The following AFF3 variants were observed in gnomAD, a reference collection of about 807,000 sequenced individuals.
AFF3 encodes the protein AF4/FMR2 family member 3.
Under a neutral mutation model 129.7 loss-of-function variants are expected in AFF3, and 32 were observed. That is an observed-to-expected ratio of 0.25 (90% CI 0.19 to 0.33). AFF3 has a LOEUF of 0.33. Among genes scored for constraint, AFF3 ranks in the 10% least tolerant of loss-of-function variants. The probability of loss-of-function intolerance (pLI) is 1.00; values close to 1 mark genes in which losing one functional copy is unlikely to be tolerated. For synonymous variants in AFF3, 644 were observed against 635.4 expected (o/e 1.01, Z -0.20); for missense variants, 1,373 against 1,592.0 (o/e 0.86, Z 2.34).
chr2:99,795,712 T>C (rs1471885677), intron 8 of AFF3, among the ~76,000 whole-genome samples: 1 of 151,826 alleles, frequency 6.6e-6, no homozygotes, highest in Admixed American at 6.6e-5. Flanking sequence ...TCTACAGTGC[T>C]GTATTTCTTA....
rs146038090 is a variant in AFF3 at position 100,006,766 on chromosome 2, C to T, written c.739G>A (p.Glu247Lys). The T allele has an allele frequency of 3.7e-5, 60 of 1,614,096 alleles. No homozygotes were observed. Among genetic ancestry groups the T allele is most frequent in the Non-Finnish European group, 4.7e-5 (55 of 1,180,050 alleles). The change falls in exon 7 of 25, where the codon GAG (glutamate) becomes AAG (lysine). Residue 247 changes from glutamate (E) to lysine (K), a missense_variant. This residue lies in a region of AFF3 where 413 missense variants were observed against 424.4 expected (regional missense o/e 0.97). Coordinates refer to ENST00000672756, the MANE Select transcript of AFF3 (RefSeq NM_001386135.1). ...PMDGQDQAPD[E>K]SPKLKSSSET... Reference sequence around the variant, plus strand: ...GAAGACGACTTCAGCTTAGGAGACTCATCAGGGGCCTGATCTTGGCCGTCC... The same window carrying T: ...GAAGACGACTTCAGCTTAGGAGACTTATCAGGGGCCTGATCTTGGCCGTCC...
chr2:100,111,266 T>C (rs186722893), intron 2 of AFF3, among the ~76,000 whole-genome samples: 49 of 152,400 alleles, frequency 3.2e-4, no homozygotes, highest in African/African-American at 1.0e-3. Context: ...CATTGCCGTG[T>C]ATAGTCAGGA....
intron 7 of AFF3, among the ~76,000 whole-genome samples, chr2:99,925,110 T>C (rs1185189947): frequency 1.3e-5 from 2 of 152,086 alleles, no homozygotes; most frequent in Non-Finnish European, 2.9e-5. Context: ...ACTCCTGGGC[T>C]CAAGCAATCC....
chr2:99,838,888 T>C (rs1231339919), intron 7 of AFF3, among the ~76,000 whole-genome samples: 1 of 152,204 alleles, frequency 6.6e-6, no homozygotes, highest in Non-Finnish European at 1.5e-5. Flanking sequence ...TGCCAGCTCA[T>C]TCCTTGTCCT....
intron 13 of AFF3, among the ~76,000 whole-genome samples, chr2:99,643,143 C>T (rs1684368531): frequency 6.7e-6 from 1 of 148,424 alleles, no homozygotes; most frequent in South Asian, 2.2e-4. Context: ...CACTGCAACC[C>T]CCGCCTCCTG....
chr2:100,074,467 T>G (rs112979872), intron 4 of AFF3, among the ~76,000 whole-genome samples: 7 of 152,314 alleles, frequency 4.6e-5, no homozygotes, highest in African/African-American at 1.7e-4. Flanking sequence ...ATGCTTGCAC[T>G]TACGTATATT....
chr2:99,668,580 C>T (rs1049489989), intron 12 of AFF3, among the ~76,000 whole-genome samples: 3 of 149,372 alleles, frequency 2.0e-5, no homozygotes, highest in Non-Finnish European at 3.0e-5. Context: ...GTTTTTTTTT[C>T]GAGAAGGAAT....
intron 8 of AFF3, among the ~76,000 whole-genome samples, chr2:99,798,918 C>T (rs1429874630): frequency 6.6e-6 from 1 of 151,936 alleles, no homozygotes; most frequent in East Asian, 1.9e-4. Context: ...ACTTTTCTGA[C>T]TAATGTAGCC....
At chr2:99,813,363 CAA>C (rs1476526741) in intron 8 of AFF3, among the ~76,000 whole-genome samples, 2 of 152,100 alleles carry the variant, frequency 1.3e-5, no homozygotes, top group Non-Finnish European at 2.9e-5. Context: ...AGGATGCTTC[CAA>C]AAGAGCTCTT....
intron 11 of AFF3, among the ~76,000 whole-genome samples, chr2:99,715,286 A>C (rs771904208): frequency 3.9e-5 from 6 of 152,144 alleles, no homozygotes; most frequent in Non-Finnish European, 8.8e-5. Context: ...TTAGTTTTCC[A>C]CGTTTTAGTT....
intron 8 of AFF3, among the ~76,000 whole-genome samples, chr2:99,778,651 T>C (rs945192451): frequency 6.6e-6 from 1 of 152,234 alleles, no homozygotes; most frequent in African/African-American, 2.4e-5. Context: ...TAAGTTTTAA[T>C]TTCTTTCAAC....
In AFF3 at chr2:100,007,226, G is replaced by A. The variant is rs763648218; in HGVS notation, c.409C>T (p.Pro137Ser). The stretch of plus-strand genomic sequence containing the variant: ...GTGCCTCTCTTACTCTGCTGCACGG[G>A]GACAGCTGCTGGTGTGGAAGTTGTA... ...STTTSTPAAV[P>S]VQQSKRGTMG... is the part of the protein sequence containing the mutation. Residue 137 changes from proline to serine, a missense_variant, in exon 6 of 25, where the codon CCC (proline) becomes TCC (serine). Physicochemically the swap from Pro to Ser is moderately conservative, Grantham distance 74 (BLOSUM62 -1). Around this residue, in one of 9 missense-constraint regions of AFF3, gnomAD observed 255 missense variants for 256.0 expected, o/e 1.00. Transcript: ENST00000672756. 6.2e-7 allele frequency: 1 copy of A among 1,614,124 alleles called. No individual in the cohort carries two copies. The highest frequency in any genetic ancestry group is 8.5e-7 in the Non-Finnish European group (1 of 1,180,026).
At chr2:99,673,031 G>A (rs1444025938) in intron 11 of AFF3, among the ~76,000 whole-genome samples, 1 of 150,024 alleles carries the variant, frequency 6.7e-6, no homozygotes, top group African/African-American at 2.4e-5. Context: ...CCTGAAAATA[G>A]CAATAAAAAA....
intron 8 of AFF3, among the ~76,000 whole-genome samples, chr2:99,820,784 T>G (rs1322628943): frequency 7.0e-6 from 1 of 142,360 alleles, no homozygotes; most frequent in Non-Finnish European, 1.5e-5. Context: ...TAAAACTTTT[T>G]TGTCAAAATT....
intron 18 of AFF3, among the ~76,000 whole-genome samples, chr2:99,572,181 A>C (rs1287439835): frequency 6.6e-6 from 1 of 152,104 alleles, no homozygotes; most frequent in Non-Finnish European, 1.5e-5. Flanking sequence ...AGTGATCTGA[A>C]AGCCAGAGCT....
intron 3 of AFF3, 90 bp downstream of exon 3, chr2:100,105,414 C>T (rs1294616407): frequency 7.6e-7 from 1 of 1,311,966 alleles, no homozygotes; most frequent in South Asian, 1.2e-5. Context: ...CGGACCTGCT[C>T]TCCGTTGCGG....
chr2:99,960,892 T>G (rs1006873925), intron 7 of AFF3, among the ~76,000 whole-genome samples: 9 of 152,168 alleles, frequency 5.9e-5, no homozygotes, highest in Non-Finnish European at 1.5e-5. Context: ...CCCCATGATG[T>G]GCGGCTCCTT....
At chr2:99,606,515 AAAAGT>A (rs1199593078) in intron 13 of AFF3, among the ~76,000 whole-genome samples, 1 of 152,218 alleles carries the variant, frequency 6.6e-6, no homozygotes, top group African/African-American at 2.4e-5. Flanking sequence ...TACTAAATGA[AAAAGT>A]AAAGAGAAAA....
chr2:99,726,431 C>T (rs1415717178), intron 11 of AFF3, among the ~76,000 whole-genome samples: 1 of 152,118 alleles, frequency 6.6e-6, no homozygotes, highest in Non-Finnish European at 1.5e-5. Context: ...TCTTATGGAA[C>T]TAAAATAAAG....
Sources: gnomAD v4.1 joint callset for allele counts (sites outside exome capture counted in the v4.1 genomes callset) on GRCh38, gnomAD v4.1.1 for gene constraint, gnomAD v4.1.1 regional missense constraint, MANE v1.5 for transcripts, NCBI Gene and HGNC (gene_info 2026-07-23, HGNC 2026-07-21) for gene names.